The following RAD50 variants were observed in gnomAD, a reference collection of about 807,000 sequenced individuals.
RAD50 encodes RAD50 double strand break repair protein.
RAD50 carries 132 observed loss-of-function variants against 168.8 expected under a neutral mutation model. The ratio of observed to expected loss-of-function variants is 0.78; its 90% CI spans 0.68 to 0.90. The LOEUF is 0.90. Ranked by LOEUF, RAD50 falls within the 40% of genes least tolerant of loss-of-function variation. RAD50 has a pLI of 0.00. For synonymous variants in RAD50, 525 were observed against 497.4 expected, an observed-to-expected ratio of 1.06 and a Z score of -0.74; for missense variants, 1,347 against 1,534.4, an observed-to-expected ratio of 0.88 and a Z score of 2.04.
At chr5:132,564,706 C>A (rs1477474189) in intron 2 of RAD50, among the ~76,000 whole-genome samples, 2 of 152,158 alleles carry the variant, frequency 1.3e-5, no homozygotes, top group African/African-American at 4.8e-5. Context: ...TGTTTAATAG[C>A]CAAGACACTG....
At chr5:132,615,021 A>G (rs531345679) in intron 19 of RAD50, among the ~76,000 whole-genome samples, 15 of 152,270 alleles carry the variant, frequency 9.9e-5, no homozygotes, top group East Asian at 5.8e-4. Context: ...CTTAGCTGCA[A>G]GGGCTATTGC....
chr5:132,558,580 G>A (rs1201970027), intron 1 of RAD50, among the ~76,000 whole-genome samples: 5 of 151,644 alleles, frequency 3.3e-5, no homozygotes, highest in Non-Finnish European at 7.4e-5. Flanking sequence ...GCGTGGTGGC[G>A]CATGCCTGTA....
chr5:132,600,113 A>G (rs1167064759), intron 13 of RAD50: 1 of 152,242 alleles, frequency 6.6e-6, no homozygotes, highest in Non-Finnish European at 1.5e-5. Context: ...TCATGCAACC[A>G]ATATAGGCAG....
At chr5:132,558,764 TG>T (rs1420713474) in intron 1 of RAD50, among the ~76,000 whole-genome samples, 1 of 141,776 alleles carries the variant, frequency 7.1e-6, no homozygotes, top group African/African-American at 2.6e-5. Flanking sequence ...CTGGGCATGG[TG>T]GCTGACGACT....
At chr5:132,631,009 G>A (rs998476681) in intron 21 of RAD50, 4 of 151,850 alleles carry the variant, frequency 2.6e-5, no homozygotes, top group Non-Finnish European at 4.4e-5. Flanking sequence ...AAATGCAATC[G>A]ATTGTTACTG....
At chr5:132,633,098 C>CTTTTTTTTTTT (rs34616055) in intron 21 of RAD50, among the ~76,000 whole-genome samples, 16 of 113,048 alleles carry the variant, frequency 1.4e-4, no homozygotes, top group African/African-American at 3.2e-4. Flanking sequence ...TTCGTTTTTT[C>CTTTTTTTTTTT]TTTTTTTTTT....
intron 16 of RAD50, among the ~76,000 whole-genome samples, chr5:132,607,589 A>C (rs1751007552): frequency 6.6e-6 from 1 of 152,202 alleles, no homozygotes; most frequent in Admixed American, 6.5e-5. Context: ...ATAATATAAA[A>C]TAGTACTTGC....
At chr5:132,609,839 A>G (rs1234715950) in intron 19 of RAD50, among the ~76,000 whole-genome samples, 1 of 152,104 alleles carries the variant, frequency 6.6e-6, no homozygotes, top group Admixed American at 6.5e-5. Context: ...TACTTCATTT[A>G]TTTTTTATTT....
At position 132,557,005 on chromosome 5, in the gene RAD50, A is replaced by G; in HGVS notation, c.-320A>G. On this transcript the variant is annotated 5_prime_UTR_variant, in exon 1 of 25. Transcript: ENST00000378823. Reference sequence around the variant, plus strand: ...TGATCCGCAGGGCGGCCGAGGCAGGAAGCTGTGAGTGCGCGGTTGCGGGGT... The same window carrying G: ...TGATCCGCAGGGCGGCCGAGGCAGGGAGCTGTGAGTGCGCGGTTGCGGGGT... 3 of 763,096 alleles carry G rather than the reference A, an allele frequency of 3.9e-6. No homozygotes were observed. Among genetic ancestry groups the G allele is most frequent in the Non-Finnish European group, 5.7e-6 (3 of 522,328 alleles). The allele number at this position is 763,096 out of a possible 1,614,324, so 47.3% of individuals were successfully genotyped here.
chr5:132,557,401 C>T lies in RAD50; in HGVS notation c.77C>T (p.Thr26Ile), dbSNP rs2149830142. The change falls in exon 1 of 25, where the codon ACT becomes ATT. Residue 26 changes from threonine (T) to isoleucine (I), a missense_variant. Physicochemically the swap from Thr to Ile is moderately conservative, Grantham distance 89. Around this residue, in one of 3 missense-constraint regions of RAD50, gnomAD observed 703 missense variants for 767.7 expected, o/e 0.92. Transcript: ENST00000378823. ...GAGGACAAAGATAAGCAAATTATCA[C>T]TTTCTTCAGCCCCCTTACAATTTTG... Reference protein sequence around the residue: ...GIEDKDKQIITFFSPLTILVG... With the variant: ...GIEDKDKQIIIFFSPLTILVG... 6.2e-7 allele frequency: 1 copy of T among 1,614,144 alleles called. No homozygotes were observed. The highest frequency in any genetic ancestry group is 8.5e-7 in the Non-Finnish European group (1 of 1,179,934).
intron 19 of RAD50, among the ~76,000 whole-genome samples, chr5:132,615,524 T>C (rs1751160248): frequency 6.6e-6 from 1 of 152,122 alleles, no homozygotes; most frequent in Non-Finnish European, 1.5e-5. Flanking sequence ...AAGACTTCAG[T>C]AGTAGTATTG....
intron 3 of RAD50, 60 bp from the exon 4 acceptor site, chr5:132,579,257 C>T (rs1561635772): frequency 6.6e-7 from 1 of 1,517,410 alleles, no homozygotes. Context: ...ATTGATTAAG[C>T]AATAGAATAG....
chr5:132,572,679 T>G (rs1750327681), intron 2 of RAD50, among the ~76,000 whole-genome samples: 1 of 152,198 alleles, frequency 6.6e-6, no homozygotes. Flanking sequence ...CATATTAAAT[T>G]TTTTTCAACA....
chr5:132,633,253 T>C (rs6866095), intron 21 of RAD50, among the ~76,000 whole-genome samples: 39,746 of 151,024 alleles, frequency 0.26, 5,835 homozygotes, highest in African/African-American at 0.39. Context: ...TACAGGCATG[T>C]ACCACCACGC....
intron 23 of RAD50, 47 bp downstream of exon 23, chr5:132,638,270 AAG>A (rs748782573): frequency 4.0e-5 from 65 of 1,609,470 alleles, no homozygotes; most frequent in South Asian, 4.4e-5. Flanking sequence ...AAGTAACTGA[AAG>A]AGAGAAACAA....
At chr5:132,569,848 TTAAGCAGCATAC>T (rs1353778577) in intron 2 of RAD50, among the ~76,000 whole-genome samples, 2 of 151,960 alleles carry the variant, frequency 1.3e-5, no homozygotes, top group Non-Finnish European at 2.9e-5. Flanking sequence ...AATTGAAAAA[TTAAGCAGCATAC>T]TTCTAAATAT....
At chr5:132,632,647 T>G (rs777790739) in intron 21 of RAD50, among the ~76,000 whole-genome samples, 1 of 152,258 alleles carries the variant, frequency 6.6e-6, no homozygotes, top group African/African-American at 2.4e-5. Flanking sequence ...CAGATAATGC[T>G]GCAGAGTGTG....
Position 132,604,860 on chromosome 5 carries a change from T to G in RAD50, c.2579T>G (p.Ile860Ser). 6.2e-7 allele frequency: 1 copy of G among 1,613,670 alleles called. No homozygotes were observed. Among genetic ancestry groups the G allele is most frequent in the South Asian group, 1.1e-5 (1 of 91,034 alleles). Residue 860 changes from isoleucine (I) to serine (S), a missense_variant, in exon 16 of 25, where the codon ATT becomes AGT. Coordinates refer to ENST00000378823, the MANE Select transcript of RAD50 (RefSeq NM_005732.4). ...RKLIQDQQEQ[I>S]QHLKSTTNEL... ...CTTATACAGGACCAGCAGGAACAGA[T>G]TCAACATCTAAAAAGTACAACAAAT...
intron 5 of RAD50, among the ~76,000 whole-genome samples, chr5:132,581,040 T>C (rs1376713128): frequency 6.6e-6 from 1 of 152,064 alleles, no homozygotes; most frequent in Non-Finnish European, 1.5e-5. Context: ...AGGTGGGCCT[T>C]GAAGAATGGG....
Sources: gnomAD v4.1 joint callset for allele counts (sites outside exome capture counted in the v4.1 genomes callset) on GRCh38, gnomAD v4.1.1 for gene constraint, gnomAD v4.1.1 regional missense constraint, MANE v1.5 for transcripts, NCBI Gene and HGNC (gene_info 2026-07-23, HGNC 2026-07-21) for gene names.